The following KRABD2 variants were observed in gnomAD, a reference collection of about 807,000 sequenced individuals.
The protein encoded by KRABD2 is KRAB domain-containing protein 2.
At chr17:8,370,874 GA>G in the KRABD2 span, among the ~76,000 whole-genome samples, 9 of 152,070 alleles carry the variant, frequency 5.9e-5, no homozygotes, top group Admixed American at 5.9e-4. Flanking sequence ...ATGATCAACA[GA>G]AACAATTTCT....
At chr17:8,372,118 C>T in the KRABD2 span, 1 of 983,768 alleles carries the variant, frequency 1.0e-6, no homozygotes, top group Non-Finnish European at 1.2e-6. The surrounding 1 kb of genome is among the most constrained non-coding windows in gnomAD (Gnocchi z 4.1). Context: ...TTTAAAGGCT[C>T]TGAGCAAGAG....
the KRABD2 span, chr17:8,370,269 C>A: frequency 6.2e-7 from 1 of 1,613,344 alleles, no homozygotes; most frequent in South Asian, 1.1e-5. Context: ...CTTTGTTACA[C>A]TCATAAGAAA....
the KRABD2 span, chr17:8,372,094 G>GA: frequency 1.0e-6 from 1 of 985,168 alleles, no homozygotes; most frequent in Non-Finnish European, 1.2e-6. This position sits in a 1 kb window ranked among gnomAD's most constrained non-coding sequence, Gnocchi z 4.1. Context: ...GAGAAGCAGA[G>GA]AAAGATGGAA....
chr17:8,376,423 A>T, the KRABD2 span: 15 of 1,074,744 alleles, frequency 1.4e-5, no homozygotes, highest in Non-Finnish European at 1.5e-5. Context: ...CACTTAATAC[A>T]GTGTCCCCTC....
the KRABD2 span, among the ~76,000 whole-genome samples, chr17:8,362,065 G>A: frequency 1.3e-5 from 2 of 151,754 alleles, no homozygotes; most frequent in African/African-American, 4.8e-5. The surrounding 1 kb of genome is among the most constrained non-coding windows in gnomAD (Gnocchi z 4.2). Flanking sequence ...GGTGGCTCAC[G>A]CCTGTAATCC....
the KRABD2 span, among the ~76,000 whole-genome samples, chr17:8,366,725 A>C: frequency 2.0e-5 from 3 of 149,980 alleles, no homozygotes; most frequent in Non-Finnish European, 4.4e-5. Flanking sequence ...TCCTTCATCT[A>C]CTTTTTTTTT....
chr17:8,374,722 G>C, the KRABD2 span, among the ~76,000 whole-genome samples: 1 of 150,558 alleles, frequency 6.6e-6, no homozygotes, highest in Admixed American at 6.6e-5. Flanking sequence ...GGAGGTGGGC[G>C]GATTACAAGG....
the KRABD2 span, chr17:8,371,590 T>C: frequency 5.2e-6 from 8 of 1,524,484 alleles, no homozygotes; most frequent in Admixed American, 4.3e-5. Context: ...AAATAAGAAA[T>C]AGGTCTCACA....
the KRABD2 span, among the ~76,000 whole-genome samples, chr17:8,375,434 CCTGTGGG>C: frequency 6.6e-6 from 1 of 152,242 alleles, no homozygotes; most frequent in Non-Finnish European, 1.5e-5. Context: ...CAACCTGTGG[CCTGTGGG>C]CTGCACGCAG....
the KRABD2 span, among the ~76,000 whole-genome samples, chr17:8,363,612 G>A: frequency 6.6e-6 from 1 of 151,898 alleles, no homozygotes; most frequent in East Asian, 1.9e-4. Flanking sequence ...CCTCCAAAGT[G>A]CTGGGATTAC....
At chr17:8,373,039 A>G in the KRABD2 span, among the ~76,000 whole-genome samples, 1 of 152,244 alleles carries the variant, frequency 6.6e-6, no homozygotes, top group African/African-American at 2.4e-5. Flanking sequence ...AGGGTCTACA[A>G]TTATCTAATA....
chr17:8,371,068 C>T, the KRABD2 span, among the ~76,000 whole-genome samples: 22 of 152,178 alleles, frequency 1.4e-4, no homozygotes, highest in African/African-American at 5.3e-4. Flanking sequence ...ACTCGGGAGA[C>T]TGAGGCAGGG....
At chr17:8,369,205 C>A in the KRABD2 span, 4 of 1,614,198 alleles carry the variant, frequency 2.5e-6, no homozygotes, top group Non-Finnish European at 3.4e-6. Context: ...GGATCCATGT[C>A]ATCGTCCATA....
At chr17:8,370,075 C>G in the KRABD2 span, 1 of 1,614,082 alleles carries the variant, frequency 6.2e-7, no homozygotes, top group Non-Finnish European at 8.5e-7. Context: ...CGATCACGTT[C>G]TCCATGAGTA....
chr17:8,364,587 G>T, the KRABD2 span, among the ~76,000 whole-genome samples: 1 of 152,188 alleles, frequency 6.6e-6, no homozygotes, highest in Non-Finnish European at 1.5e-5. This position sits in a 1 kb window ranked among gnomAD's most constrained non-coding sequence, Gnocchi z 4.4. Context: ...GCCACCTGGA[G>T]AGTGCCACAT....
the KRABD2 span, among the ~76,000 whole-genome samples, chr17:8,368,458 G>A: frequency 6.6e-6 from 1 of 152,136 alleles, no homozygotes. Flanking sequence ...GACTTACACT[G>A]TCACAAGCCA....
the KRABD2 span, chr17:8,369,001 G>C: frequency 7.2e-7 from 1 of 1,391,598 alleles, no homozygotes; most frequent in South Asian, 1.5e-5. Context: ...TTGTCTTTTT[G>C]AGCAAGGACT....
At chr17:8,370,045 T>C in the KRABD2 span, 1 of 1,614,168 alleles carries the variant, frequency 6.2e-7, no homozygotes, top group Non-Finnish European at 8.5e-7. Flanking sequence ...AACTCTTCCT[T>C]ATGTACATAA....
At chr17:8,376,477 G>A in the KRABD2 span, 2 of 1,012,364 alleles carry the variant, frequency 2.0e-6, no homozygotes, top group Non-Finnish European at 2.4e-6. Flanking sequence ...CCTGAGGACC[G>A]GGCTGGGATG....
Sources: gnomAD v4.1 joint callset for allele counts (sites outside exome capture counted in the v4.1 genomes callset) on GRCh38, gnomAD v4.1.1 for gene constraint, Gnocchi (gnomAD v3.1) non-coding constraint, MANE v1.5 for transcripts, NCBI Gene and HGNC (gene_info 2026-07-23, HGNC 2026-07-21) for gene names.